Variants in SNTG2 observed in about 807,000 individuals in gnomAD.
SNTG2 encodes the protein gamma-2-syntrophin.
A neutral mutation model predicts 70.9 loss-of-function variants in SNTG2; 74 were observed. The ratio of observed to expected loss-of-function variants is 1.04; its 90% CI spans 0.86 to 1.27. SNTG2 has a LOEUF of 1.27. SNTG2 is among the 50% of genes most tolerant of loss of function. The pLI is 0.00. For missense variants in SNTG2, 717 were observed against 690.7 expected, an observed-to-expected ratio of 1.04 and a Z score of -0.43; for synonymous variants, 278 against 273.8, an observed-to-expected ratio of 1.02 and a Z score of -0.15.
intron 8 of SNTG2, among the ~76,000 whole-genome samples, chr2:1,179,218 C>T (rs529059781): frequency 0.056 from 8,544 of 151,992 alleles, 334 homozygotes; most frequent in East Asian, 0.21. Context: ...GTCTTGCTAG[C>T]GGTCTATCAA....
intron 11 of SNTG2, among the ~76,000 whole-genome samples, chr2:1,244,695 C>CAAAA (rs558051455): frequency 6.4e-4 from 57 of 88,550 alleles, no homozygotes; most frequent in South Asian, 1.2e-3. Context: ...GACTCCATCT[C>CAAAA]AAAAAAAAAA....
At chr2:1,165,353 TG>T (rs1374829591) in intron 6 of SNTG2, among the ~76,000 whole-genome samples, 194 bp from the exon 7 acceptor site, 3 of 151,844 alleles carry the variant, frequency 2.0e-5, no homozygotes, top group Non-Finnish European at 4.4e-5. Flanking sequence ...AGATAGAGTG[TG>T]GGGGGTAGGT....
chr2:1,336,336 G>C (rs983720680), intron 16 of SNTG2, among the ~76,000 whole-genome samples: 3 of 152,084 alleles, frequency 2.0e-5, no homozygotes, highest in East Asian at 1.9e-4. Flanking sequence ...TGAGTGCTTT[G>C]ACTTCCTTAT....
At chr2:993,969 C>T (rs1386350287) in intron 1 of SNTG2, among the ~76,000 whole-genome samples, 1 of 151,872 alleles carries the variant, frequency 6.6e-6, no homozygotes, top group Non-Finnish European at 1.5e-5. Context: ...TCAAAGTATC[C>T]TTTGTCATGT....
At position 1,112,069 on chromosome 2, in the gene SNTG2, A is replaced by G. The variant is rs544291597; in HGVS notation, c.325+13659A>G. 5.6e-4 allele frequency among the ~76,000 whole-genome samples: 85 copies of G among 151,732 alleles called. 1 individual carries two copies. Among genetic ancestry groups the G allele is most frequent in the African/African-American group, 1.9e-3 (78 of 41,128 alleles). Reference sequence around the variant, plus strand: ...GTTTTACCCTTACAGTCCTTTGAGGAGGATCGTGTGTACTAAGTGAGGTTA... The same window carrying G: ...GTTTTACCCTTACAGTCCTTTGAGGGGGATCGTGTGTACTAAGTGAGGTTA... On this transcript the variant is annotated intron_variant, in intron 4 of 16. Transcript: ENST00000308624.
At position 1,222,105 on chromosome 2, in the gene SNTG2, G is replaced by C. The variant is rs1260849197; in HGVS notation, c.719+12875G>C. Among the ~76,000 whole-genome samples the C allele has an allele frequency of 7.6e-4, 21 of 27,604 alleles. 3 individuals are homozygous for C. Among genetic ancestry groups the C allele is most frequent in the African/African-American group, 2.4e-3 (10 of 4,194 alleles). 18.1% of individuals were successfully genotyped at this position (27,604 alleles called of 152,430 possible). A position where few individuals can be genotyped will look rare whatever the true frequency, so the allele number is the denominator to read the frequency against. ...TCTCTGTCTCTCTCTGTCTCTCTCT[G>C]TCTCTCTCTGTCTCTCTCTGTCTCT... On this transcript the variant is annotated intron_variant, in intron 9 of 16. Transcript: ENST00000308624.
intron 1 of SNTG2, among the ~76,000 whole-genome samples, chr2:1,057,822 T>C (rs935423079): frequency 1.4e-5 from 2 of 143,748 alleles, no homozygotes; most frequent in Admixed American, 7.2e-5. Flanking sequence ...AGTATAAAGT[T>C]GCATTTCAAA....
intron 6 of SNTG2, among the ~76,000 whole-genome samples, chr2:1,155,767 C>T (rs1416619495): frequency 6.6e-6 from 1 of 152,126 alleles, no homozygotes; most frequent in East Asian, 1.9e-4. Context: ...GTGGAGGTGC[C>T]AGCTTTTGAG....
At chr2:1,062,175 G>C (rs1014797998) in intron 1 of SNTG2, among the ~76,000 whole-genome samples, 13 of 152,148 alleles carry the variant, frequency 8.5e-5, no homozygotes, top group African/African-American at 2.7e-4. Flanking sequence ...ATAAGTTGCT[G>C]GTAGGAATAT....
intron 14 of SNTG2, among the ~76,000 whole-genome samples, chr2:1,284,015 C>A (rs1679667024): frequency 6.6e-6 from 1 of 152,102 alleles, no homozygotes; most frequent in South Asian, 2.1e-4. Context: ...AGTGAGCCGC[C>A]GACCTGCCGT....
At chr2:1,104,572 C>T (rs1386363143) in intron 4 of SNTG2, among the ~76,000 whole-genome samples, 4 of 152,226 alleles carry the variant, frequency 2.6e-5, no homozygotes, top group East Asian at 1.9e-4. Flanking sequence ...GTATGTACCT[C>T]AGGGAAAACA....
At chr2:1,231,541 C>T (rs185101414) in intron 9 of SNTG2, among the ~76,000 whole-genome samples, 10 of 152,340 alleles carry the variant, frequency 6.6e-5, no homozygotes, top group East Asian at 1.9e-4. Context: ...ACTGTGCCCT[C>T]GCTCCAGATG....
At chr2:1,305,307 C>T (rs144384636) in intron 14 of SNTG2, among the ~76,000 whole-genome samples, 311 of 152,296 alleles carry the variant, frequency 2.0e-3, no homozygotes, top group East Asian at 0.013. Context: ...CCCTGAGTTA[C>T]AGGAAAATAT....
At chr2:1,083,734 G>A in intron 2 of SNTG2, 79 bp downstream of exon 2, 1 of 1,519,974 alleles carries the variant, frequency 6.6e-7, no homozygotes, top group South Asian at 1.2e-5. Context: ...TGTGGTTCAA[G>A]AATGATTGCT....
chr2:1,152,405 A>T (rs577326070), intron 6 of SNTG2, among the ~76,000 whole-genome samples: 142 of 152,352 alleles, frequency 9.3e-4, no homozygotes, highest in African/African-American at 3.2e-3. Flanking sequence ...GCTGGTGTGC[A>T]TATACATGTG....
intron 4 of SNTG2, among the ~76,000 whole-genome samples, chr2:1,127,877 A>G (rs915007475): frequency 1.3e-5 from 2 of 152,164 alleles, no homozygotes; most frequent in African/African-American, 4.8e-5. Context: ...AGGTTTTTCT[A>G]TACAAGATCA....
intron 1 of SNTG2, among the ~76,000 whole-genome samples, chr2:1,008,577 C>G (rs1659637741): frequency 6.6e-6 from 1 of 152,146 alleles, no homozygotes; most frequent in Non-Finnish European, 1.5e-5. Context: ...GCCTGCTTAT[C>G]TACGTCATCA....
chr2:1,120,336 A>G (rs1667302491), intron 4 of SNTG2, among the ~76,000 whole-genome samples: 1 of 152,174 alleles, frequency 6.6e-6, no homozygotes, highest in Admixed American at 6.5e-5. Context: ...TTCCTTATCT[A>G]TCAATCACCT....
At chr2:994,685 A>G (rs1204947205) in intron 1 of SNTG2, among the ~76,000 whole-genome samples, 1 of 151,990 alleles carries the variant, frequency 6.6e-6, no homozygotes, top group East Asian at 1.9e-4. Context: ...CAATCCATGA[A>G]CATGGACTGT....
Sources: allele counts gnomAD v4.1 joint callset (sites outside exome capture counted in the v4.1 genomes callset), GRCh38; gene constraint gnomAD v4.1.1; transcripts MANE v1.5; gene names NCBI Gene and HGNC (gene_info 2026-07-23, HGNC 2026-07-21).